The following CREB5 variants were observed in gnomAD, a reference collection of about 807,000 sequenced individuals.
CREB5 encodes cyclic AMP-responsive element-binding protein 5.
In CREB5, 19 loss-of-function variants were observed where a neutral mutation model predicts 57.1. The ratio of observed to expected loss-of-function variants is 0.33; its 90% CI spans 0.23 to 0.49. The LOEUF (loss-of-function observed/expected upper bound fraction) is 0.49, where lower values mean the gene tolerates loss of function less well. CREB5 is among the 20% of genes least tolerant of loss of function. CREB5 has a pLI of 0.99. For missense variants in CREB5, 579 were observed against 671.6 expected (o/e 0.86, Z 1.52); for synonymous variants, 238 against 238.3 (o/e 1.00, Z 0.01).
At chr7:28,658,402 G>T (rs904254928) in intron 5 of CREB5, among the ~76,000 whole-genome samples, 1 of 152,158 alleles carries the variant, frequency 6.6e-6, no homozygotes, top group Non-Finnish European at 1.5e-5. Flanking sequence ...TGCTTTAAAG[G>T]CTTTGTTGTT....
chr7:28,423,716 C>T (rs1413468531), intron 1 of CREB5, among the ~76,000 whole-genome samples: 2 of 152,092 alleles, frequency 1.3e-5, no homozygotes, highest in Non-Finnish European at 2.9e-5. Context: ...ATCCTGAGAA[C>T]AGAAAATGGC....
chr7:28,540,790 G>A (rs576411148), intron 4 of CREB5, among the ~76,000 whole-genome samples: 71 of 152,182 alleles, frequency 4.7e-4, no homozygotes, highest in Admixed American at 4.1e-3. Context: ...AGGTCAGAAA[G>A]GAGCTCTTGC....
intron 4 of CREB5, among the ~76,000 whole-genome samples, chr7:28,534,016 G>A (rs747026943): frequency 6.6e-6 from 1 of 152,118 alleles, no homozygotes; most frequent in Non-Finnish European, 1.5e-5. Context: ...TCCCAACCCT[G>A]GAAAAGCAAA....
At chr7:28,531,375 C>T (rs536930656) in intron 4 of CREB5, among the ~76,000 whole-genome samples, 21 of 152,280 alleles carry the variant, frequency 1.4e-4, no homozygotes, top group African/African-American at 4.6e-4. Context: ...GAGTGTTTTG[C>T]TGGCCATCTC....
chr7:28,794,408 G>C (rs1230782491), intron 7 of CREB5, among the ~76,000 whole-genome samples: 3 of 152,202 alleles, frequency 2.0e-5, no homozygotes, highest in Non-Finnish European at 2.9e-5. Context: ...TACTACTGGA[G>C]ACTTTCAGGC....
intron 1 of CREB5, among the ~76,000 whole-genome samples, chr7:28,339,124 G>A (rs1728316160): frequency 6.6e-6 from 1 of 152,076 alleles, no homozygotes; most frequent in Non-Finnish European, 1.5e-5. Flanking sequence ...TGTCCCTGGT[G>A]CCTTATTAAG....
At chr7:28,555,326 T>G (rs150849080) in intron 4 of CREB5, among the ~76,000 whole-genome samples, 28 of 152,344 alleles carry the variant, frequency 1.8e-4, no homozygotes, top group Middle Eastern at 6.8e-3. Context: ...ACTGCATGAT[T>G]GACTTGTAGG....
rs1808557716 is a variant in CREB5, at chr7:28,804,270, G to A, written c.774G>A (p.Met258Ile). 1 of 1,614,076 alleles carries A rather than the reference G, an allele frequency of 6.2e-7. No individual in the cohort carries two copies. The highest frequency in any genetic ancestry group is 8.5e-7 in the Non-Finnish European group (1 of 1,180,026). The change falls in exon 8 of 11, where the codon ATG becomes ATA. Residue 258 changes from methionine (M) to isoleucine (I), a missense_variant. Met to Ile is a conservative substitution (Grantham distance 10). Coordinates refer to ENST00000357727, the MANE Select transcript of CREB5 (RefSeq NM_182898.4). ...SNGNMNTMGH[M>I]MEMMGSRQDQ... ...GGAACATGAACACCATGGGACACAT[G>A]ATGGAGATGATGGGCTCCCGGCAGG...
intron 9 of CREB5, among the ~76,000 whole-genome samples, chr7:28,810,951 T>TAA (rs1809080745): frequency 6.6e-6 from 1 of 152,192 alleles, no homozygotes. Flanking sequence ...CCTAAATGTG[T>TAA]CATTCTTTTT....
chr7:28,519,896 C>G (rs942885588), intron 4 of CREB5, among the ~76,000 whole-genome samples: 1 of 152,168 alleles, frequency 6.6e-6, no homozygotes, highest in Non-Finnish European at 1.5e-5. Flanking sequence ...AATCACGTAA[C>G]AGTGGTTTGT....
At position 28,561,011 on chromosome 7, in the gene CREB5, T is replaced by TGTGCGTGC. The variant is rs1795242702; in HGVS notation, c.292-9351_292-9350insCGTGCGTG. Among the ~76,000 whole-genome samples, 9 of 48,014 alleles carry TGTGCGTGC rather than the reference T, an allele frequency of 1.9e-4. 1 individual carries two copies. The highest frequency in any genetic ancestry group is 9.5e-4 in the African/African-American group (9 of 9,522). The allele number at this position is 48,014 out of a possible 152,430, so 31.5% of individuals were successfully genotyped here. A position where few individuals can be genotyped will look rare whatever the true frequency, so the allele number is the denominator to read the frequency against. On this transcript the variant is annotated intron_variant, in intron 4 of 10. Transcript: ENST00000357727. ...GTGTGTGTGCCTGCGTGTGCGTGTGTGTGTGCGTGTGTGCGTGTGTGTGTG... is the reference window on the plus strand; with the variant it reads ...GTGTGTGTGCCTGCGTGTGCGTGTGTGTGCGTGCGTGTGCGTGTGTGCGTGTGTGTGTG...
At chr7:28,708,245 A>G (rs183053281) in intron 5 of CREB5, among the ~76,000 whole-genome samples, 35 of 152,322 alleles carry the variant, frequency 2.3e-4, no homozygotes, top group South Asian at 1.7e-3. Flanking sequence ...TTAAGAATAG[A>G]ACTTGAGAAA....
intron 1 of CREB5, among the ~76,000 whole-genome samples, chr7:28,421,833 T>TAC (rs1287450376): frequency 1.2e-3 from 34 of 29,462 alleles, no homozygotes; most frequent in African/African-American, 2.6e-3. Flanking sequence ...CATATATATA[T>TAC]ACACACACAC....
chr7:28,698,951 G>T (rs1244721347), intron 5 of CREB5, among the ~76,000 whole-genome samples: 2 of 152,142 alleles, frequency 1.3e-5, no homozygotes, highest in Non-Finnish European at 2.9e-5. Flanking sequence ...CCTTTTACAG[G>T]CTGACCCTTT....
chr7:28,304,455 C>T (rs2127979486), intron 1 of CREB5, among the ~76,000 whole-genome samples: 1 of 152,086 alleles, frequency 6.6e-6, no homozygotes, highest in Non-Finnish European at 1.5e-5. Context: ...ATGCTAATAC[C>T]CCATTGATTA....
At chr7:28,756,845 A>G (rs1213024774) in intron 7 of CREB5, among the ~76,000 whole-genome samples, 1 of 152,198 alleles carries the variant, frequency 6.6e-6, no homozygotes, top group African/African-American at 2.4e-5. Flanking sequence ...GTTTTGAGAG[A>G]GAGAGAGAGG....
chr7:28,515,150 T>G (rs1792890208), intron 4 of CREB5, among the ~76,000 whole-genome samples: 1 of 152,180 alleles, frequency 6.6e-6, no homozygotes, highest in African/African-American at 2.4e-5. Context: ...TAATTTGATT[T>G]GGGCCTCTTC....
intron 1 of CREB5, among the ~76,000 whole-genome samples, chr7:28,367,881 C>T (rs980124376): frequency 6.6e-6 from 1 of 152,072 alleles, no homozygotes; most frequent in African/African-American, 2.4e-5. Flanking sequence ...CTGGATCCAT[C>T]CACTTCTCTT....
intron 1 of CREB5, among the ~76,000 whole-genome samples, chr7:28,481,150 C>G (rs1383354875): frequency 6.6e-6 from 1 of 152,136 alleles, no homozygotes; most frequent in East Asian, 1.9e-4. Flanking sequence ...AAGTAAGACC[C>G]GGGTTAGTTT....
Sources: allele counts gnomAD v4.1 joint callset (sites outside exome capture counted in the v4.1 genomes callset), GRCh38; gene constraint gnomAD v4.1.1; transcripts MANE v1.5; gene names NCBI Gene and HGNC (gene_info 2026-07-23, HGNC 2026-07-21).